Variants in PALM2AKAP2 observed in about 807,000 individuals in gnomAD.
PALM2AKAP2 encodes PALM2 and AKAP2 fusion.
In PALM2AKAP2, 37 loss-of-function variants were observed where a neutral mutation model predicts 71.5. The ratio of observed to expected loss-of-function variants is 0.52; its 90% confidence interval spans 0.40 to 0.68. The LOEUF is 0.68. PALM2AKAP2 is among the 30% of genes least tolerant of loss of function. The probability of loss-of-function intolerance (pLI) is 0.00; values close to 1 mark genes in which losing one functional copy is unlikely to be tolerated. For missense variants in PALM2AKAP2, 1,224 were observed against 1,191.8 expected, an observed-to-expected ratio of 1.03 and a Z score of -0.40; for synonymous variants, 468 against 478.8, an observed-to-expected ratio of 0.98 and a Z score of 0.29.
chr9:109,714,856 C>T lies in PALM2AKAP2; in HGVS notation c.6-65632C>T, dbSNP rs1226020630. ...AGGAATAACGGCCCCATCTCCTAGCCATGAAGCAAGATACTTCAGAAGGGT... is the reference window on the plus strand; with the variant it reads ...AGGAATAACGGCCCCATCTCCTAGCTATGAAGCAAGATACTTCAGAAGGGT... On this transcript the variant is annotated intron_variant, in intron 1 of 6. Coordinates refer to the PALM2AKAP2 transcript ENST00000374531. Among the ~76,000 whole-genome samples the T allele has an allele frequency of 1.2e-4, 18 of 152,156 alleles. No homozygotes were observed. In the East Asian group the frequency reaches 3.3e-3, roughly 28 times the overall value.
intron 2 of PALM2AKAP2, among the ~76,000 whole-genome samples, chr9:110,141,016 TTC>T (rs1466462902): frequency 6.6e-6 from 1 of 152,260 alleles, no homozygotes; most frequent in Admixed American, 6.5e-5. Context: ...ATTTTCAGGC[TTC>T]TCTGTCTCTA....
chr9:109,891,999 TAAGATATA>T, intron 3 of PALM2AKAP2, among the ~76,000 whole-genome samples: 1 of 152,230 alleles, frequency 6.6e-6, no homozygotes, highest in South Asian at 2.1e-4. Context: ...TGTTCATCCC[TAAGATATA>T]ACTCCTTAAG....
chr9:110,045,073 G>GGGGGCCACTCTT (rs66473076), upstream of PALM2AKAP2, among the ~76,000 whole-genome samples: 107,722 of 151,780 alleles, frequency 0.71, 38,391 homozygotes, highest in African/African-American at 0.76. Context: ...TGGGTCCCCT[G>GGGGGCCACTCTT]GCTCAGGGGT....
At chr9:109,742,704 C>T (rs926216272) in intron 1 of PALM2AKAP2, among the ~76,000 whole-genome samples, 3 of 152,130 alleles carry the variant, frequency 2.0e-5, no homozygotes, top group Non-Finnish European at 4.4e-5. Context: ...TATGCTGGCC[C>T]CTTACATGGT....
At chr9:109,704,312 C>G (rs906974620) in intron 1 of PALM2AKAP2, among the ~76,000 whole-genome samples, 4 of 152,214 alleles carry the variant, frequency 2.6e-5, no homozygotes, top group Non-Finnish European at 5.9e-5. Context: ...AAAGCCACAG[C>G]TAAGCCAGTG....
At chr9:109,862,782 T>C in intron 1 of PALM2AKAP2, 1 of 454,398 alleles carries the variant, frequency 2.2e-6, no homozygotes, top group Admixed American at 2.4e-5. Flanking sequence ...TCATGGATAT[T>C]TAAACTGTGC....
At chr9:110,048,624 G>C (rs1833644639), upstream of PALM2AKAP2, 1 of 1,402,564 alleles carries the variant, frequency 7.1e-7, no homozygotes, top group African/African-American at 1.5e-5. Flanking sequence ...AGGAGGCGGG[G>C]AAGGGGCGGG....
chr9:110,147,605 G>A (rs1163606686), intron 2 of PALM2AKAP2, among the ~76,000 whole-genome samples: 1 of 152,140 alleles, frequency 6.6e-6, no homozygotes, highest in Non-Finnish European at 1.5e-5. Context: ...GTGAGACCCT[G>A]TTTCTACGGG....
chr9:109,716,548 C>T (rs1025111463), intron 1 of PALM2AKAP2, among the ~76,000 whole-genome samples: 1 of 151,822 alleles, frequency 6.6e-6, no homozygotes, highest in Non-Finnish European at 1.5e-5. Context: ...CTGTATTTCA[C>T]TTGCTAAATC....
chr9:110,138,617 T>C (rs1835956403), intron 2 of PALM2AKAP2, 78 bp downstream of exon 8: 3 of 1,462,976 alleles, frequency 2.1e-6, no homozygotes, highest in African/African-American at 2.8e-5. Flanking sequence ...GGTTTCTATG[T>C]GGAGCCTCCT....
chr9:109,640,882 C>T (rs2132223742), intron 1 of PALM2AKAP2: 2 of 1,515,430 alleles, frequency 1.3e-6, no homozygotes, highest in South Asian at 2.4e-5. Flanking sequence ...TATCCCCGAG[C>T]CGCGCCGCCA....
chr9:110,055,181 T>G (rs189844076), intron 1 of PALM2AKAP2, among the ~76,000 whole-genome samples: 2 of 151,496 alleles, frequency 1.3e-5, no homozygotes, highest in African/African-American at 4.8e-5. Flanking sequence ...TTTTTTTTTT[T>G]AAATTTTTAT....
At chr9:109,940,923 G>A (rs905592099) in intron 6 of PALM2AKAP2, among the ~76,000 whole-genome samples, 4 of 152,212 alleles carry the variant, frequency 2.6e-5, no homozygotes, top group South Asian at 2.1e-4. Context: ...CTGTGGGCAG[G>A]ATGGAGCACA....
exon 3 of PALM2AKAP2, chr9:110,156,496 G>A (rs777959374): frequency 2.5e-6 from 4 of 1,596,686 alleles, no homozygotes; most frequent in East Asian, 2.3e-5. Context: ...GATGATAGTA[G>A]TGTAAGTTTT....
intron 1 of PALM2AKAP2, among the ~76,000 whole-genome samples, chr9:110,122,455 G>A (rs995398534): frequency 6.6e-6 from 1 of 152,244 alleles, no homozygotes; most frequent in African/African-American, 2.4e-5. Flanking sequence ...TCTAGCCAGA[G>A]CTCTGTTCCT....
At chr9:109,841,474 C>G (rs1174829837) in intron 1 of PALM2AKAP2, among the ~76,000 whole-genome samples, 1 of 115,684 alleles carries the variant, frequency 8.6e-6, no homozygotes, top group Non-Finnish European at 1.7e-5. Flanking sequence ...ATGTAGCAAA[C>G]CTGCACGTTG....
At chr9:109,908,139 A>ACATG (rs1830489866) in intron 3 of PALM2AKAP2, among the ~76,000 whole-genome samples, 1 of 152,194 alleles carries the variant, frequency 6.6e-6, no homozygotes, top group Non-Finnish European at 1.5e-5. Context: ...CCATAGCAAT[A>ACATG]CATGCTGTTT....
At chr9:109,728,664 T>C (rs1828510526) in intron 1 of PALM2AKAP2, among the ~76,000 whole-genome samples, 1 of 152,200 alleles carries the variant, frequency 6.6e-6, no homozygotes, top group African/African-American at 2.4e-5. Context: ...ATGTTACCAG[T>C]GAAAATATAC....
chr9:109,651,596 C>A (rs1827226376), intron 1 of PALM2AKAP2, among the ~76,000 whole-genome samples: 1 of 152,156 alleles, frequency 6.6e-6, no homozygotes, highest in African/African-American at 2.4e-5. Context: ...CTTCTTATTG[C>A]CGGGATGGAA....
Sources: gnomAD v4.1 joint callset for allele counts (sites outside exome capture counted in the v4.1 genomes callset) on GRCh38, gnomAD v4.1.1 for gene constraint, MANE v1.5 for transcripts, NCBI Gene and HGNC (gene_info 2026-07-23, HGNC 2026-07-21) for gene names.